The following FAM83G variants were observed in gnomAD, a reference collection of about 807,000 sequenced individuals.
The protein encoded by FAM83G is protein FAM83G.
Under a neutral mutation model 61.5 loss-of-function variants are expected in FAM83G, and 38 were observed. The ratio of observed to expected loss-of-function variants is 0.62; its 90% CI spans 0.48 to 0.81. FAM83G has a LOEUF of 0.81. FAM83G is among the 30% of genes least tolerant of loss of function. The pLI, the probability that FAM83G is intolerant of heterozygous loss-of-function variation, is 0.00. For synonymous variants in FAM83G, 470 were observed against 476.1 expected, an observed-to-expected ratio of 0.99 and a Z score of 0.17; for missense variants, 989 against 1,133.6, an observed-to-expected ratio of 0.87 and a Z score of 1.83.
In FAM83G at chr17:18,969,026, C is replaced by T; in HGVS notation, c.*2333G>A. 2 of 1,600,736 alleles carry T rather than the reference C, an allele frequency of 1.2e-6. No homozygotes were observed. Among genetic ancestry groups the T allele is most frequent in the Non-Finnish European group, 1.7e-6 (2 of 1,173,768 alleles). On this transcript the variant is annotated 3_prime_UTR_variant, in exon 6 of 6. Transcript: ENST00000388995. ...TGCTGGAGCCCTGGGAATAACAGTCCCACACAAGGCTCTCTCCCTCCGCAG... is the reference window on the plus strand; with the variant it reads ...TGCTGGAGCCCTGGGAATAACAGTCTCACACAAGGCTCTCTCCCTCCGCAG...
Position 18,974,109 on chromosome 17 carries a change from T to C in FAM83G, c.2083-2361A>G, listed in dbSNP as rs534978212. Among the ~76,000 whole-genome samples, 512 of 152,244 alleles carry C rather than the reference T, an allele frequency of 3.4e-3. 3 individuals are homozygous for C. The highest frequency in any genetic ancestry group is 0.012 in the African/African-American group (487 of 41,558). On this transcript the variant is annotated intron_variant, in intron 5 of 5. Coordinates refer to ENST00000388995, the MANE Select transcript of FAM83G (RefSeq NM_001039999.3). ...GGTTTCACCATGTTGGCAAGGCTGGTCTCGAACTCCTGACCTCGTGATCCG... is the reference window on the plus strand; with the variant it reads ...GGTTTCACCATGTTGGCAAGGCTGGCCTCGAACTCCTGACCTCGTGATCCG...
intron 5 of FAM83G, chr17:18,977,106 C>G (rs2043000015): frequency 7.1e-7 from 1 of 1,410,670 alleles, no homozygotes. Context: ...GTTCCCCAAC[C>G]TGGGGAGTGG....
intron 4 of FAM83G, chr17:18,979,334 G>A: frequency 1.6e-6 from 1 of 632,658 alleles, no homozygotes; most frequent in Non-Finnish European, 2.6e-6. Context: ...CCAGGCCGGT[G>A]ACATCTCCAA....
chr17:18,997,059 T>C (rs939535917), intron 2 of FAM83G, among the ~76,000 whole-genome samples: 1 of 152,170 alleles, frequency 6.6e-6, no homozygotes, highest in Non-Finnish European at 1.5e-5. Context: ...GTGAACACCT[T>C]CCCCACCCTC....
chr17:18,987,376 C>T (rs1411920532), intron 3 of FAM83G, among the ~76,000 whole-genome samples: 2 of 152,236 alleles, frequency 1.3e-5, no homozygotes, highest in Non-Finnish European at 2.9e-5. Flanking sequence ...GTGCCTGTGA[C>T]AGGGCCTGGC....
rs766718766 is a variant in FAM83G at position 19,003,735 on chromosome 17, C to G, written c.307G>C (p.Gly103Arg). ...NGVGDGEEAS[G>R]ADGVPIEAEP... ...GCCTCGATGGGGACCCCATCCGCCC[C>G]GCTGGCTTCCTCGCCGTCGCCGACC... The change falls in exon 2 of 6, where the codon GGG becomes CGG. Residue 103 changes from glycine to arginine, a missense_variant. Around this residue, in one of 3 missense-constraint regions of FAM83G, gnomAD observed 371 missense variants for 404.5 expected, o/e 0.92. Transcript: ENST00000388995. The surrounding 1 kb of genome is among the most constrained non-coding windows in gnomAD (Gnocchi z 4.5). 1 of 1,604,974 alleles carries G rather than the reference C, an allele frequency of 6.2e-7. No homozygotes were observed. Among genetic ancestry groups the G allele is most frequent in the Non-Finnish European group, 8.5e-7 (1 of 1,175,786 alleles).
At chr17:18,973,481 G>T (rs1025022558) in intron 5 of FAM83G, among the ~76,000 whole-genome samples, 3 of 152,196 alleles carry the variant, frequency 2.0e-5, no homozygotes, top group Non-Finnish European at 2.9e-5. Context: ...TACCCCTTGG[G>T]CTGGGTCTGC....
chr17:19,002,958 T>C (rs1455775440), intron 2 of FAM83G, among the ~76,000 whole-genome samples: 1 of 152,106 alleles, frequency 6.6e-6, no homozygotes, highest in African/African-American at 2.4e-5. Context: ...CCTGGAAAGT[T>C]TCCACCATTG....
intron 3 of FAM83G, among the ~76,000 whole-genome samples, chr17:18,982,983 T>A (rs1597859401): frequency 6.6e-6 from 1 of 152,186 alleles, no homozygotes; most frequent in Admixed American, 6.5e-5. Flanking sequence ...CCAGGGAAGG[T>A]GTCCAGCTCC....
Position 18,969,090 on chromosome 17 carries a change from C to A in FAM83G, c.*2269G>T. 4 of 1,614,126 alleles carry A rather than the reference C, an allele frequency of 2.5e-6. No homozygotes were observed. The highest frequency in any genetic ancestry group is 3.4e-6 in the Non-Finnish European group (4 of 1,179,982). ...CGGGGGCTCTGTTTGTGCACATCTG[C>A]CTGGGCTGGAACTTCTACCTCTCCA... On this transcript the variant is annotated 3_prime_UTR_variant, in exon 6 of 6. Transcript: ENST00000388995.
At chr17:18,974,380 C>T (rs888897835) in intron 5 of FAM83G, among the ~76,000 whole-genome samples, 25 of 152,196 alleles carry the variant, frequency 1.6e-4, no homozygotes, top group African/African-American at 5.8e-4. Context: ...AAACCAGTAA[C>T]AAAGAGGCAA....
At chr17:18,979,270 T>A (rs1201033366) in intron 4 of FAM83G, 12 of 498,594 alleles carry the variant, frequency 2.4e-5, no homozygotes, top group South Asian at 7.2e-5. Context: ...TAAGGACGGC[T>A]CTCAGAGTGA....
chr17:18,990,380 G>A (rs2043385286), intron 2 of FAM83G, among the ~76,000 whole-genome samples: 2 of 152,090 alleles, frequency 1.3e-5, no homozygotes, highest in African/African-American at 4.8e-5. Flanking sequence ...GGATCTCCCA[G>A]ACCCAAAGCC....
At chr17:19,006,021 C>G (rs1190472891), upstream of FAM83G, among the ~76,000 whole-genome samples, 2 of 152,192 alleles carry the variant, frequency 1.3e-5, no homozygotes, top group African/African-American at 4.8e-5. Flanking sequence ...TGTGTTCTTA[C>G]CAATGCACAG....
chr17:18,969,315 C>T lies in FAM83G; in HGVS notation c.*2044G>A. The T allele has an allele frequency of 6.2e-7, 1 of 1,610,932 alleles. No individual in the cohort carries two copies. Among genetic ancestry groups the T allele is most frequent in the Non-Finnish European group, 8.5e-7 (1 of 1,178,432 alleles). On this transcript the variant is annotated 3_prime_UTR_variant, in exon 6 of 6. Coordinates refer to ENST00000388995, the MANE Select transcript of FAM83G (RefSeq NM_001039999.3). ...CCCTCCTCCCTGGGGCCAGGGCCCC[C>T]TCCAGCAACCTTGCTTCCACTGGCA...
chr17:19,005,839 G>A (rs376145550), upstream of FAM83G, among the ~76,000 whole-genome samples: 411 of 152,310 alleles, frequency 2.7e-3, 1 homozygote, highest in Non-Finnish European at 4.8e-3. Context: ...GAACATAGTG[G>A]CCCCTGGGGA....
rs1196098649 is a variant in FAM83G at position 19,004,550 on chromosome 17, G to A, written c.-129+159C>T. ...CCGCAAACCGAGGGCTTCCGGGTAA[G>A]GGAGGGGTCTTAAAATTTCCGGGTG... On this transcript the variant is annotated intron_variant, in intron 1 of 5. Coordinates refer to ENST00000388995, the MANE Select transcript of FAM83G (RefSeq NM_001039999.3). This position sits in a 1 kb window ranked among gnomAD's most constrained non-coding sequence, Gnocchi z 5.4. Among the ~76,000 whole-genome samples the A allele has an allele frequency of 6.6e-6, 1 of 152,090 alleles. No individual in the cohort carries two copies. Among genetic ancestry groups the A allele is most frequent in the Admixed American group, 6.5e-5 (1 of 15,286 alleles).
intron 2 of FAM83G, among the ~76,000 whole-genome samples, chr17:18,993,640 C>G (rs965776547): frequency 2.0e-5 from 3 of 152,268 alleles, no homozygotes; most frequent in African/African-American, 7.2e-5. Flanking sequence ...ACTGCACACA[C>G]TGCAGACAAG....
chr17:18,983,808 G>A (rs559527959), intron 3 of FAM83G, among the ~76,000 whole-genome samples: 6 of 152,292 alleles, frequency 3.9e-5, no homozygotes, highest in Admixed American at 3.9e-4. Context: ...AGTATGTGAC[G>A]GCATGTAGGG....
Sources: allele counts gnomAD v4.1 joint callset (sites outside exome capture counted in the v4.1 genomes callset), GRCh38; gene constraint gnomAD v4.1.1; regional missense constraint gnomAD v4.1.1; non-coding constraint Gnocchi (gnomAD v3.1); transcripts MANE v1.5; gene names NCBI Gene and HGNC (gene_info 2026-07-23, HGNC 2026-07-21).